Variants in CDH13 observed in about 807,000 individuals in gnomAD.
CDH13 encodes the protein cadherin-13.
CDH13 carries 24 observed loss-of-function variants against 63.8 expected under a neutral mutation model. The ratio of observed to expected loss-of-function variants is 0.38; its 90% CI spans 0.27 to 0.53. The LOEUF (loss-of-function observed/expected upper bound fraction) is 0.53, where lower values mean the gene tolerates loss of function less well. Ranked by LOEUF, CDH13 falls within the 20% of genes least tolerant of loss-of-function variation. The pLI, the probability that CDH13 is intolerant of heterozygous loss-of-function variation, is 0.85. For synonymous variants in CDH13, 503 were observed against 355.3 expected (o/e 1.42, Z -4.67); for missense variants, 1,049 against 903.1 (o/e 1.16, Z -2.07).
intron 2 of CDH13, among the ~76,000 whole-genome samples, chr16:82,937,933 G>C (rs548541937): frequency 1.5e-4 from 23 of 152,178 alleles, no homozygotes; most frequent in East Asian, 1.4e-3. Flanking sequence ...ACAGTAATTG[G>C]ATATAGTTAT....
chr16:83,032,115 C>T lies in CDH13; in HGVS notation c.263C>T (p.Thr88Ile). 1.2e-6 allele frequency: 2 copies of T among 1,613,514 alleles called. No individual in the cohort carries two copies. The highest frequency in any genetic ancestry group is 1.7e-6 in the Non-Finnish European group (2 of 1,179,724). The change falls in exon 3 of 14, where the codon ACT (threonine) becomes ATT (isoleucine). Residue 88 changes from threonine to isoleucine, a missense_variant. Transcript: ENST00000567109. ...DGGLVALRNI[T>I]AVGKTLFVHA... The stretch of plus-strand genomic sequence containing the variant: ...GGCTTAGTTGCTCTGAGAAACATAA[C>T]TGCAGTGGGCAAAACTCTGTTCGTC...
intron 7 of CDH13, among the ~76,000 whole-genome samples, chr16:83,552,649 G>C (rs1038423002): frequency 6.6e-6 from 1 of 152,192 alleles, no homozygotes; most frequent in East Asian, 1.9e-4. Context: ...AAATAGTCAA[G>C]CTAGTTTGCT....
At chr16:82,799,776 A>G (rs1020988873) in intron 1 of CDH13, among the ~76,000 whole-genome samples, 1 of 152,158 alleles carries the variant, frequency 6.6e-6, no homozygotes, top group African/African-American at 2.4e-5. Context: ...GTGGCTATGG[A>G]ATTTGATTTT....
chr16:82,872,787 G>C (rs77180828), intron 2 of CDH13, among the ~76,000 whole-genome samples: 1 of 152,162 alleles, frequency 6.6e-6, no homozygotes, highest in Non-Finnish European at 1.5e-5. Flanking sequence ...AGGAAAAGAT[G>C]TATATTGAGT....
chr16:83,627,819 G>A (rs1001632613), intron 8 of CDH13, among the ~76,000 whole-genome samples: 3 of 152,172 alleles, frequency 2.0e-5, no homozygotes, highest in Non-Finnish European at 4.4e-5. Flanking sequence ...GAAAATCAAT[G>A]AATACAAGTA....
chr16:82,694,472 G>A (rs2030015135), intron 1 of CDH13, among the ~76,000 whole-genome samples: 1 of 152,058 alleles, frequency 6.6e-6, no homozygotes, highest in Non-Finnish European at 1.5e-5. Flanking sequence ...TCAATGGCTT[G>A]CAGGCATGAG....
chr16:83,765,014 A>G (rs1200638547), intron 11 of CDH13, among the ~76,000 whole-genome samples: 1 of 152,100 alleles, frequency 6.6e-6, no homozygotes, highest in Non-Finnish European at 1.5e-5. Context: ...TTTCTAGCAC[A>G]CTCAAATGCC....
At chr16:83,426,907 C>CTTTTTTTTTTTTTTTTT (rs71148833) in intron 6 of CDH13, among the ~76,000 whole-genome samples, 2 of 63,182 alleles carry the variant, frequency 3.2e-5, no homozygotes, top group Admixed American at 2.2e-4. Context: ...ATGTTTCTTT[C>CTTTTTTTTTTTTTTTTT]TTTTTTTTTT....
intron 7 of CDH13, among the ~76,000 whole-genome samples, chr16:83,493,427 C>T (rs2074064332): frequency 6.6e-6 from 1 of 152,188 alleles, no homozygotes; most frequent in African/African-American, 2.4e-5. Flanking sequence ...TGCTGGATAT[C>T]AGGACGCAAA....
Position 82,699,865 on chromosome 16 carries a change from G to A in CDH13, c.45+72728G>A, listed in dbSNP as rs555006922. ...ACAAACAATAAATAATACAGCTTAT[G>A]AAGGTCCACATGGGTGACACTGATG... is the stretch of plus-strand genomic sequence containing the variant. On this transcript the variant is annotated intron_variant, in intron 1 of 13. Coordinates refer to ENST00000567109, the MANE Select transcript of CDH13 (RefSeq NM_001257.5). Among the ~76,000 whole-genome samples the A allele has an allele frequency of 2.6e-5, 4 of 152,334 alleles. No individual in the cohort carries two copies. The South Asian group carries it at 8.3e-4, about 32-fold the overall frequency.
intron 6 of CDH13, among the ~76,000 whole-genome samples, chr16:83,411,495 G>A (rs552896877): frequency 6.6e-6 from 1 of 152,110 alleles, no homozygotes; most frequent in African/African-American, 2.4e-5. Flanking sequence ...CAATATGGGG[G>A]TTAGCACATA....
intron 2 of CDH13, among the ~76,000 whole-genome samples, chr16:82,938,796 C>T (rs1297805255): frequency 6.6e-6 from 1 of 152,194 alleles, no homozygotes; most frequent in Non-Finnish European, 1.5e-5. Context: ...TAAGAAAACT[C>T]TGGAAGTAAT....
Position 83,581,391 on chromosome 16 carries a change from A to T in CDH13, c.961-21063A>T, listed in dbSNP as rs572350113. Among the ~76,000 whole-genome samples the T allele has an allele frequency of 9.8e-5, 15 of 152,340 alleles. No individual in the cohort carries two copies. In the South Asian group the frequency reaches 1.0e-3, roughly 11 times the overall value. ...TATTTCAGACTTAAATATTCTTCCC[A>T]CATGCTCCTGCCTCAAGACTTTTGC... On this transcript the variant is annotated intron_variant, in intron 7 of 13. Transcript: ENST00000567109.
chr16:83,399,707 A>G (rs772959957), intron 6 of CDH13, among the ~76,000 whole-genome samples: 16 of 152,122 alleles, frequency 1.1e-4, no homozygotes, highest in Non-Finnish European at 1.9e-4. Context: ...CGTCTGCTTG[A>G]AAGCCACCAT....
intron 8 of CDH13, among the ~76,000 whole-genome samples, chr16:83,653,492 A>T (rs1252619422): frequency 6.6e-6 from 1 of 152,154 alleles, no homozygotes; most frequent in Non-Finnish European, 1.5e-5. Flanking sequence ...GATTGAGGAA[A>T]ATCTTTCTAG....
intron 11 of CDH13, among the ~76,000 whole-genome samples, chr16:83,761,384 T>A (rs1913955449): frequency 6.6e-6 from 1 of 152,226 alleles, no homozygotes; most frequent in Non-Finnish European, 1.5e-5. Context: ...TTGGCTAGAT[T>A]ACATTTCACT....
At chr16:83,131,198 C>CCCCCCCCCA in intron 4 of CDH13, among the ~76,000 whole-genome samples, 1 of 126,276 alleles carries the variant, frequency 7.9e-6, no homozygotes, top group Admixed American at 8.7e-5. Context: ...CCCCCCCCCC[C>CCCCCCCCCA]CCCGCCCACA....
chr16:82,726,878 A>G lies in CDH13; in HGVS notation c.45+99741A>G, dbSNP rs183243809. On this transcript the variant is annotated intron_variant, in intron 1 of 13. Coordinates refer to ENST00000567109, the MANE Select transcript of CDH13 (RefSeq NM_001257.5). ...TTATCCCCATTTCCCAGATGAAAAC[A>G]CTGAGGCACAGAGCTGTATTCTGTC... Among the ~76,000 whole-genome samples the G allele has an allele frequency of 2.0e-3, 298 of 152,328 alleles. 1 individual carries two copies. Among genetic ancestry groups the G allele is most frequent in the Admixed American group, 3.5e-3 (53 of 15,294 alleles).
intron 10 of CDH13, among the ~76,000 whole-genome samples, chr16:83,706,381 C>A (rs1907055059): frequency 6.6e-6 from 1 of 152,186 alleles, no homozygotes; most frequent in Non-Finnish European, 1.5e-5. Flanking sequence ...CTCTAGGGGA[C>A]AGGAACTAGA....
Sources: allele counts gnomAD v4.1 joint callset (sites outside exome capture counted in the v4.1 genomes callset), GRCh38; gene constraint gnomAD v4.1.1; transcripts MANE v1.5; gene names NCBI Gene and HGNC (gene_info 2026-07-23, HGNC 2026-07-21).